Variants in EEFSEC observed in about 807,000 individuals in gnomAD.
EEFSEC encodes the protein eukaryotic elongation factor, selenocysteine-tRNA specific.
In EEFSEC, 43 loss-of-function variants were observed where a neutral mutation model predicts 42.1. That is an observed-to-expected ratio of 1.02 (90% CI 0.80 to 1.32). The LOEUF (loss-of-function observed/expected upper bound fraction) is 1.32. Ranked by LOEUF, EEFSEC falls within the 40% of genes most tolerant of loss-of-function variation. EEFSEC has a pLI of 0.00. For synonymous variants in EEFSEC, 354 were observed against 339.1 expected (o/e 1.04, Z -0.48); for missense variants, 745 against 803.6 (o/e 0.93, Z 0.88).
intron 6 of EEFSEC, among the ~76,000 whole-genome samples, chr3:128,393,987 G>A (rs957834083): frequency 5.3e-5 from 8 of 151,866 alleles, no homozygotes; most frequent in Non-Finnish European, 7.4e-5. Flanking sequence ...ATCAGAAAGC[G>A]TGTGGGCATT....
In EEFSEC at chr3:128,338,244, A is replaced by T. The variant is rs186180235; in HGVS notation, c.787-2989A>T. 7.2e-5 allele frequency among the ~76,000 whole-genome samples: 11 copies of T among 152,342 alleles called. No homozygotes were observed. In the East Asian group the frequency reaches 2.1e-3, roughly 29 times the overall value. On this transcript the variant is annotated intron_variant, in intron 4 of 6. Coordinates refer to ENST00000254730, the MANE Select transcript of EEFSEC (RefSeq NM_021937.5). ...TACACAATCATACACACGTGTGTAT[A>T]AAAAGAAAGGGAATGCTGTGCGCCA... is the stretch of plus-strand genomic sequence containing the variant.
chr3:128,304,358 GTACATTTCT>G (rs757371021), intron 4 of EEFSEC, among the ~76,000 whole-genome samples: 9 of 151,654 alleles, frequency 5.9e-5, no homozygotes, highest in Non-Finnish European at 1.0e-4. Context: ...AATAGATCCT[GTACATTTCT>G]TAAGTTTATA....
At chr3:128,321,150 C>T (rs11917277) in intron 4 of EEFSEC, among the ~76,000 whole-genome samples, 2,399 of 152,212 alleles carry the variant, frequency 0.016, 46 homozygotes, top group African/African-American at 0.054. Flanking sequence ...CTGGGAGAGG[C>T]AGGGTCAGGC....
At chr3:128,252,906 A>G (rs1205392703) in intron 2 of EEFSEC, among the ~76,000 whole-genome samples, 1 of 152,116 alleles carries the variant, frequency 6.6e-6, no homozygotes, top group Admixed American at 6.5e-5. Flanking sequence ...TCCTGCCCGC[A>G]CTACAGAGCT....
chr3:128,376,227 ATGCACCCTTT>A (rs2107609720), intron 6 of EEFSEC, among the ~76,000 whole-genome samples: 1 of 152,172 alleles, frequency 6.6e-6, no homozygotes, highest in East Asian at 1.9e-4. Flanking sequence ...GGCACCAAGG[ATGCACCCTTT>A]TGCAACCCTG....
chr3:128,218,924 C>T (rs2065836453), intron 1 of EEFSEC, among the ~76,000 whole-genome samples: 1 of 152,112 alleles, frequency 6.6e-6, no homozygotes. Flanking sequence ...TTAGGCATTC[C>T]CTCAGAACTT....
chr3:128,201,927 C>A (rs944595935), intron 1 of EEFSEC, among the ~76,000 whole-genome samples: 1 of 152,136 alleles, frequency 6.6e-6, no homozygotes, highest in Admixed American at 6.5e-5. Flanking sequence ...TATGGCTATT[C>A]ATTTATTCCA....
chr3:128,284,394 T>C (rs983298197), intron 4 of EEFSEC, among the ~76,000 whole-genome samples: 3 of 151,168 alleles, frequency 2.0e-5, no homozygotes, highest in African/African-American at 7.3e-5. Context: ...TGTTTGCTTC[T>C]CCACTAAATG....
intron 4 of EEFSEC, among the ~76,000 whole-genome samples, chr3:128,279,659 A>T (rs1208853069): frequency 6.6e-6 from 1 of 152,212 alleles, no homozygotes; most frequent in Admixed American, 6.5e-5. Flanking sequence ...AGACCTACCC[A>T]GAGTTGTATG....
intron 5 of EEFSEC, among the ~76,000 whole-genome samples, chr3:128,344,101 C>T (rs1273310954): frequency 6.6e-6 from 1 of 152,236 alleles, no homozygotes; most frequent in Non-Finnish European, 1.5e-5. Flanking sequence ...CCCCAACTCG[C>T]AACCCCCTGA....
intron 1 of EEFSEC, among the ~76,000 whole-genome samples, chr3:128,168,136 C>T (rs2065260364): frequency 6.6e-6 from 1 of 152,090 alleles, no homozygotes. Context: ...TAAACTTGCC[C>T]CAGAGCTTGG....
chr3:128,294,018 A>G (rs1358410803), intron 4 of EEFSEC, among the ~76,000 whole-genome samples: 1 of 152,202 alleles, frequency 6.6e-6, no homozygotes, highest in African/African-American at 2.4e-5. Context: ...CACTTGTTCT[A>G]TTCTTGGTGA....
intron 6 of EEFSEC, among the ~76,000 whole-genome samples, chr3:128,386,526 A>G (rs1000004336): frequency 6.6e-6 from 1 of 151,894 alleles, no homozygotes; most frequent in Admixed American, 6.6e-5. Context: ...GAGGGTAGTG[A>G]GGCCAGGCCT....
rs1559963626 is a variant in EEFSEC, at chr3:128,408,152, C to T, written c.1684C>T (p.Gln562Ter). The change falls in exon 7 of 7, where the codon CAG (glutamine) becomes TAG (stop). Residue 562 changes from glutamine to a stop codon, truncating the protein, a stop_gained. Transcript: ENST00000254730. LOFTEE classifies it high-confidence loss of function. ...ARAGRGEATR[Q>*]EESAERSEPS... is the part of the protein sequence containing the mutation. The stretch of plus-strand genomic sequence containing the variant: ...GGCTGGCCGTGGGGAGGCCACCAGG[C>T]AGGAGGAGAGCGCCGAGCGGAGCGA... 1 of 1,612,516 alleles carries T rather than the reference C, an allele frequency of 6.2e-7. No individual in the cohort carries two copies. Among genetic ancestry groups the T allele is most frequent in the Non-Finnish European group, 8.5e-7 (1 of 1,179,300 alleles).
At chr3:128,362,666 C>T (rs1324726602) in intron 6 of EEFSEC, among the ~76,000 whole-genome samples, 1 of 152,210 alleles carries the variant, frequency 6.6e-6, no homozygotes, top group Non-Finnish European at 1.5e-5. Flanking sequence ...TATTACCACT[C>T]GCGTGCCCAT....
chr3:128,384,628 G>A (rs907669748), intron 6 of EEFSEC, among the ~76,000 whole-genome samples: 5 of 152,222 alleles, frequency 3.3e-5, no homozygotes, highest in African/African-American at 1.2e-4. Context: ...GGCCTGAGGT[G>A]GCTGTACCCC....
intron 6 of EEFSEC, among the ~76,000 whole-genome samples, chr3:128,391,547 T>C (rs1702131): frequency 0.15 from 23,030 of 152,222 alleles, 1,848 homozygotes; most frequent in South Asian, 0.21. Flanking sequence ...AGTCCAGGCA[T>C]GGCAGGAGTG....
intron 1 of EEFSEC, among the ~76,000 whole-genome samples, chr3:128,194,003 C>T (rs1026111583): frequency 8.4e-4 from 127 of 152,094 alleles, no homozygotes; most frequent in Middle Eastern, 3.4e-3. Flanking sequence ...CATCTTCCCC[C>T]ATCCCCCAAC....
At chr3:128,161,154 C>T (rs1427315204) in intron 1 of EEFSEC, among the ~76,000 whole-genome samples, 1 of 152,120 alleles carries the variant, frequency 6.6e-6, no homozygotes, top group Admixed American at 6.5e-5. Flanking sequence ...AAAAAGTGTA[C>T]CCGTCCATTC....
Sources: allele counts gnomAD v4.1 joint callset (sites outside exome capture counted in the v4.1 genomes callset), GRCh38; gene constraint gnomAD v4.1.1; transcripts MANE v1.5; gene names NCBI Gene and HGNC (gene_info 2026-07-23, HGNC 2026-07-21).